The following UNC80 variants were observed in gnomAD, a reference collection of about 807,000 sequenced individuals.
The protein encoded by UNC80 is unc-80 subunit of NALCN channel complex, also known as protein unc-80 homolog.
Under a neutral mutation model 384.6 loss-of-function variants are expected in UNC80, and 164 were observed. The ratio of observed to expected loss-of-function variants is 0.43; its 90% CI spans 0.38 to 0.49. The LOEUF (loss-of-function observed/expected upper bound fraction) is 0.49, where lower values mean the gene tolerates loss of function less well. UNC80 is among the 20% of genes least tolerant of loss of function. The probability of loss-of-function intolerance (pLI) is 0.00; values close to 1 mark genes in which losing one functional copy is unlikely to be tolerated. For synonymous variants in UNC80, 1,486 were observed against 1,527.8 expected, an observed-to-expected ratio of 0.97 and a Z score of 0.64; for missense variants, 3,330 against 4,143.0, an observed-to-expected ratio of 0.80 and a Z score of 5.39.
intron 7 of UNC80, chr2:209,809,509 G>T (rs998167018): frequency 2.1e-5 from 24 of 1,153,976 alleles, no homozygotes; most frequent in Non-Finnish European, 2.9e-5. Context: ...CCAGGCGTGC[G>T]CTCGAACCTT....
chr2:209,881,625 G>GCA (rs113873662), intron 25 of UNC80, among the ~76,000 whole-genome samples: 8,754 of 147,088 alleles, frequency 0.06, 680 homozygotes, highest in African/African-American at 0.18. Context: ...ATGTGTGCAT[G>GCA]CACACACACA....
chr2:209,894,240 G>C lies in UNC80; in HGVS notation c.4354G>C (p.Gly1452Arg), dbSNP rs962262124. 7.1e-6 allele frequency: 7 copies of C among 985,320 alleles called. No individual in the cohort carries two copies. The highest frequency in any genetic ancestry group is 1.7e-5 in the African/African-American group (1 of 57,246). The allele number at this position is 985,320 out of a possible 1,614,324, so 61.0% of individuals were successfully genotyped here. Residue 1452 changes from glycine (G) to arginine (R), a missense_variant, in exon 27 of 65, where the codon GGG becomes CGG. Gly to Arg is a moderately radical substitution (Grantham distance 125). Coordinates refer to ENST00000673920, the MANE Select transcript of UNC80 (RefSeq NM_001371986.1). Reference protein sequence around the residue: ...KGTRSFQVKKGGSLSSIRRVG... With the variant: ...KGTRSFQVKKRGSLSSIRRVG... ...AACCCGCAGTTTCCAGGTGAAGAAGGGGGGTTCCTTGTCCAGCATTCGCCG... is the reference window on the plus strand; with the variant it reads ...AACCCGCAGTTTCCAGGTGAAGAAGCGGGGTTCCTTGTCCAGCATTCGCCG...
chr2:209,903,684 G>C (rs1489198290), intron 28 of UNC80, among the ~76,000 whole-genome samples: 3 of 131,012 alleles, frequency 2.3e-5, no homozygotes, highest in African/African-American at 8.7e-5. Context: ...CACATGGTTA[G>C]AGGGGGAATG....
chr2:209,943,655 C>G, intron 45 of UNC80, 141 bp downstream of exon 45: 1 of 986,294 alleles, frequency 1.0e-6, no homozygotes, highest in South Asian at 1.7e-5. Flanking sequence ...GCAGAGGAGT[C>G]GAAAAACTGT....
rs1464635230 is a variant in UNC80, at chr2:209,978,530, C to G, written c.8940C>G (p.Ala2980=). Residue 2980 remains alanine, a splice_region_variant and synonymous_variant, in exon 59 of 65, where the codon GCC becomes GCG. Transcript: ENST00000673920. ...CCTTTGGTCTCTCGCATCCTCTAGC[C>G]TACCAAGGCAAGACATCCATCAGTA... is the stretch of plus-strand genomic sequence containing the variant. The part of the protein sequence containing the change: ...ILKEAVHSGS[A]YQGKTSISTV... 6.5e-7 allele frequency: 1 copy of G among 1,539,390 alleles called. No homozygotes were observed. The highest frequency in any genetic ancestry group is 1.2e-5 in the South Asian group (1 of 83,174).
intron 53 of UNC80, 120 bp downstream of exon 53, chr2:209,970,011 C>T (rs527934395): frequency 1.5e-4 from 190 of 1,292,868 alleles, no homozygotes; most frequent in African/African-American, 8.8e-4. Flanking sequence ...TGAAAACAGA[C>T]GGCTCAGGTG....
At chr2:209,989,343 G>T (rs1420791943) in intron 61 of UNC80, among the ~76,000 whole-genome samples, 1 of 150,546 alleles carries the variant, frequency 6.6e-6, no homozygotes, top group Non-Finnish European at 1.5e-5. Context: ...AAAAAAATTA[G>T]AAAACCAGTT....
intron 35 of UNC80, among the ~76,000 whole-genome samples, chr2:209,923,393 TTA>T (rs921378682): frequency 6.6e-6 from 1 of 152,162 alleles, no homozygotes; most frequent in Non-Finnish European, 1.5e-5. Context: ...CAACTTTGAG[TTA>T]ATATGTGTTA....
chr2:209,798,932 C>T (rs2078352684), intron 7 of UNC80, among the ~76,000 whole-genome samples: 2 of 150,408 alleles, frequency 1.3e-5, no homozygotes, highest in Admixed American at 6.6e-5. Context: ...GATCCGCCCA[C>T]CTCGGCCTCC....
intron 38 of UNC80, 40 bp from the exon 39 acceptor site, chr2:209,933,782 T>G: frequency 6.7e-7 from 1 of 1,486,052 alleles, no homozygotes; most frequent in Non-Finnish European, 9.0e-7. Context: ...GAGCTCGGGA[T>G]TATTGTAGCT....
At chr2:209,874,280 A>G (rs2084577372) in intron 23 of UNC80, among the ~76,000 whole-genome samples, 1 of 152,194 alleles carries the variant, frequency 6.6e-6, no homozygotes, top group South Asian at 2.1e-4. Flanking sequence ...TAATCTCTTT[A>G]ATGTGGAGAG....
intron 14 of UNC80, among the ~76,000 whole-genome samples, chr2:209,826,969 G>A (rs540220068): frequency 1.3e-4 from 20 of 152,084 alleles, no homozygotes; most frequent in Non-Finnish European, 2.4e-4. Context: ...TGGGTTTCTT[G>A]CTTAATGCAT....
chr2:209,794,089 G>A (rs2078006581), intron 7 of UNC80, among the ~76,000 whole-genome samples: 1 of 152,166 alleles, frequency 6.6e-6, no homozygotes. Context: ...TTAATGAGAT[G>A]TCTGAATTAG....
At position 209,992,458 on chromosome 2, in the gene UNC80, A is replaced by G. The variant is rs545937867; in HGVS notation, c.9396+211A>G. Among the ~76,000 whole-genome samples the G allele has an allele frequency of 3.9e-5, 6 of 152,286 alleles. No individual in the cohort carries two copies. The South Asian group carries it at 1.2e-3, about 32-fold the overall frequency. On this transcript the variant is annotated intron_variant, in intron 62 of 64. Transcript: ENST00000673920. ...GACTCTGTCTCTAAAAAACTAACTA[A>G]ATAAATAAAACAATGTTTTTTTTTT... is the stretch of plus-strand genomic sequence containing the variant.
At chr2:209,855,149 C>T (rs1559206009) in intron 22 of UNC80, among the ~76,000 whole-genome samples, 1 of 152,188 alleles carries the variant, frequency 6.6e-6, no homozygotes, top group Non-Finnish European at 1.5e-5. Flanking sequence ...TTTGCAGGGA[C>T]TTGAATAGGG....
At chr2:209,946,409 A>T (rs1045100827) in intron 47 of UNC80, among the ~76,000 whole-genome samples, 31 of 151,952 alleles carry the variant, frequency 2.0e-4, no homozygotes, top group Admixed American at 1.4e-3. Context: ...AAAAGGAAAG[A>T]AGAAACAAAG....
intron 22 of UNC80, among the ~76,000 whole-genome samples, chr2:209,870,788 C>A (rs2084227269): frequency 6.6e-6 from 1 of 151,934 alleles, no homozygotes; most frequent in African/African-American, 2.4e-5. Flanking sequence ...ACTTTGGTAC[C>A]CAAAAATGTA....
chr2:209,876,551 G>A (rs2084804005), intron 23 of UNC80, among the ~76,000 whole-genome samples: 3 of 152,028 alleles, frequency 2.0e-5, no homozygotes, highest in Admixed American at 1.3e-4. Context: ...CTTAATTTAA[G>A]TTGCTTAGTT....
At position 209,839,073 on chromosome 2, in the gene UNC80, A is replaced by G. The variant is rs2081551322; in HGVS notation, c.3042-149A>G. 1 of 685,844 alleles carries G rather than the reference A, an allele frequency of 1.5e-6. No homozygotes were observed. Among genetic ancestry groups the G allele is most frequent in the Admixed American group, 2.7e-5 (1 of 36,704 alleles). The allele number at this position is 685,844 out of a possible 1,614,324, so 42.5% of individuals were successfully genotyped here. A position where few individuals can be genotyped will look rare whatever the true frequency, so the allele number is the denominator to read the frequency against. On this transcript the variant is annotated intron_variant, in intron 18 of 64. Transcript: ENST00000673920. The surrounding 1 kb of genome is among the most constrained non-coding windows in gnomAD (Gnocchi z 4.1). ...GATGAACCTTGATCTCTTTCCTCCC[A>G]CTTCAATGCCCACTCTTCCCACATT...
Sources: allele counts gnomAD v4.1 joint callset (sites outside exome capture counted in the v4.1 genomes callset), GRCh38; gene constraint gnomAD v4.1.1; non-coding constraint Gnocchi (gnomAD v3.1); transcripts MANE v1.5; gene names NCBI Gene and HGNC (gene_info 2026-07-23, HGNC 2026-07-21).